Variants in STRBP observed in about 807,000 individuals in gnomAD.
STRBP encodes spermatid perinuclear RNA-binding protein.
A neutral mutation model predicts 80.1 loss-of-function variants in STRBP; 13 were observed. The observed-to-expected ratio is 0.16, with a 90% CI of 0.11 to 0.26. The LOEUF (loss-of-function observed/expected upper bound fraction) is 0.26, where lower values mean the gene tolerates loss of function less well. Ranked by LOEUF, STRBP falls within the 10% of genes least tolerant of loss-of-function variation. The pLI, the probability that STRBP is intolerant of heterozygous loss-of-function variation, is 1.00. For synonymous variants in STRBP, 284 were observed against 291.2 expected (o/e 0.98, Z 0.25); for missense variants, 485 against 815.2 (o/e 0.59, Z 4.93).
At chr9:123,234,932 T>C (rs1025895176) in intron 2 of STRBP, among the ~76,000 whole-genome samples, 33 of 140,840 alleles carry the variant, frequency 2.3e-4, no homozygotes, top group African/African-American at 8.6e-4. Context: ...ACAGACTCCA[T>C]CTCAAAAAAT....
intron 1 of STRBP, among the ~76,000 whole-genome samples, chr9:123,254,140 C>T (rs563032368): frequency 6.6e-5 from 10 of 152,126 alleles, no homozygotes; most frequent in African/African-American, 2.4e-4. Flanking sequence ...GGTTAGTGAC[C>T]AACTCAGCTA....
chr9:123,232,109 C>T (rs1358976090), intron 2 of STRBP, among the ~76,000 whole-genome samples: 2 of 152,074 alleles, frequency 1.3e-5, no homozygotes, highest in Non-Finnish European at 2.9e-5. Context: ...GTCGGGAATT[C>T]GAGACCAGCC....
chr9:123,186,831 A>G (rs1031456432), intron 2 of STRBP, among the ~76,000 whole-genome samples: 3 of 151,788 alleles, frequency 2.0e-5, no homozygotes, highest in Non-Finnish European at 2.9e-5. Flanking sequence ...TTTTTAAAAA[A>G]AAAAAAAAAA....
intron 2 of STRBP, among the ~76,000 whole-genome samples, chr9:123,193,612 T>C (rs2038998793): frequency 6.6e-6 from 1 of 152,114 alleles, no homozygotes; most frequent in African/African-American, 2.4e-5. Context: ...AGTCCTTGTA[T>C]TCCTTTCCTC....
chr9:123,221,584 C>G (rs935686713), intron 2 of STRBP, among the ~76,000 whole-genome samples: 4 of 152,198 alleles, frequency 2.6e-5, no homozygotes, highest in Non-Finnish European at 5.9e-5. Context: ...TTTGCTGTAT[C>G]TCTGTGTTTT....
intron 1 of STRBP, among the ~76,000 whole-genome samples, chr9:123,266,029 G>A (rs1005497029): frequency 6.6e-6 from 1 of 152,186 alleles, no homozygotes; most frequent in African/African-American, 2.4e-5. Context: ...AAGCACCAGG[G>A]TATCTGAGAC....
intron 1 of STRBP, among the ~76,000 whole-genome samples, chr9:123,246,735 C>T (rs1372505909): frequency 1.3e-5 from 2 of 152,170 alleles, no homozygotes; most frequent in Non-Finnish European, 2.9e-5. Context: ...ACCAGCTATT[C>T]AAAGGAAAAT....
intron 3 of STRBP, among the ~76,000 whole-genome samples, chr9:123,181,731 C>T (rs1158880247): frequency 6.9e-6 from 1 of 145,842 alleles, no homozygotes; most frequent in African/African-American, 2.6e-5. Context: ...ACCCAGGAGG[C>T]GGAGGTTGCA....
At chr9:123,130,152 G>A (rs2036073370) in intron 17 of STRBP, among the ~76,000 whole-genome samples, 1 of 152,100 alleles carries the variant, frequency 6.6e-6, no homozygotes, top group African/African-American at 2.4e-5. Context: ...AGGTATCTGT[G>A]AATGGCACCT....
At chr9:123,180,160 G>A (rs1377619937) in intron 3 of STRBP, among the ~76,000 whole-genome samples, 2 of 152,116 alleles carry the variant, frequency 1.3e-5, no homozygotes, top group Non-Finnish European at 2.9e-5. Context: ...GGAGGCTGAG[G>A]CAGGAGGATC....
At chr9:123,225,508 C>T (rs1368873607) in intron 2 of STRBP, among the ~76,000 whole-genome samples, 1 of 152,182 alleles carries the variant, frequency 6.6e-6, no homozygotes. Flanking sequence ...GGGAATCCCC[C>T]ACCTTATGAG....
intron 6 of STRBP, among the ~76,000 whole-genome samples, chr9:123,164,336 C>T (rs1196235335): frequency 4.6e-5 from 7 of 152,142 alleles, no homozygotes; most frequent in Non-Finnish European, 7.4e-5. Context: ...TGTGAGCCAC[C>T]GCACCCGGCC....
intron 6 of STRBP, among the ~76,000 whole-genome samples, chr9:123,164,193 G>A (rs751531934): frequency 1.2e-4 from 19 of 152,038 alleles, no homozygotes; most frequent in South Asian, 8.3e-4. Flanking sequence ...CTACAGGTGC[G>A]TGCCACCATG....
At chr9:123,241,181 A>G (rs2040686952) in intron 1 of STRBP, among the ~76,000 whole-genome samples, 1 of 73,166 alleles carries the variant, frequency 1.4e-5, no homozygotes, top group Non-Finnish European at 2.0e-5. Flanking sequence ...CTCCATCTCA[A>G]AAAAAAAAAA....
rs2035555475 is a variant in STRBP at position 123,110,943 on chromosome 9, T to G, written c.*85-1190A>C. 1 of 168,738 alleles carries G rather than the reference T, an allele frequency of 5.9e-6. No homozygotes were observed. Among genetic ancestry groups the G allele is most frequent in the African/African-American group, 2.4e-5 (1 of 41,514 alleles). The allele number at this position is 168,738 out of a possible 1,614,324, so 10.5% of individuals were successfully genotyped here. A position where few individuals can be genotyped will look rare whatever the true frequency, so the allele number is the denominator to read the frequency against. On this transcript the variant is annotated intron_variant and NMD_transcript_variant, in intron 3 of 3. Coordinates refer to the STRBP transcript ENST00000471564. This position sits in a 1 kb window ranked among gnomAD's most constrained non-coding sequence, Gnocchi z 4.1. The stretch of plus-strand genomic sequence containing the variant: ...CCATCTAAGAAATGGGGGTGCGCAG[T>G]GAACAGAACCTGCTTGTGCAAGGCC...
In STRBP at chr9:123,157,988, C is replaced by A; in HGVS notation, c.1045+24G>T. Reference sequence around the variant, plus strand: ...TCTCTACCAGTGCCAACCCCCAACCCTAATAAAAAACTTCCATGCTCACCT... The same window carrying A: ...TCTCTACCAGTGCCAACCCCCAACCATAATAAAAAACTTCCATGCTCACCT... On this transcript the variant is annotated intron_variant, in intron 11 of 18. Transcript: ENST00000348403. 1.3e-6 allele frequency: 2 copies of A among 1,562,016 alleles called. 1 individual carries two copies. Among genetic ancestry groups the A allele is most frequent in the South Asian group, 2.2e-5 (2 of 89,668 alleles).
At chr9:123,176,128 A>G (rs763613935) in intron 4 of STRBP, among the ~76,000 whole-genome samples, 4 of 152,254 alleles carry the variant, frequency 2.6e-5, no homozygotes, top group Non-Finnish European at 5.9e-5. Context: ...ACAGATATTA[A>G]CAGCTCAATA....
chr9:123,258,101 C>T (rs2041075970), intron 1 of STRBP, among the ~76,000 whole-genome samples: 1 of 152,010 alleles, frequency 6.6e-6, no homozygotes, highest in Non-Finnish European at 1.5e-5. Context: ...AAACCTTTTC[C>T]AAGTATAGAC....
At chr9:123,221,435 A>AAGACCCTTCAG (rs532532430) in intron 2 of STRBP, among the ~76,000 whole-genome samples, 29 of 152,250 alleles carry the variant, frequency 1.9e-4, no homozygotes, top group Non-Finnish European at 4.0e-4. Flanking sequence ...AAGATCTCTT[A>AAGACCCTTCAG]AGACCCTTCA....
Sources: allele counts gnomAD v4.1 joint callset (sites outside exome capture counted in the v4.1 genomes callset), GRCh38; gene constraint gnomAD v4.1.1; non-coding constraint Gnocchi (gnomAD v3.1); transcripts MANE v1.5; gene names NCBI Gene and HGNC (gene_info 2026-07-23, HGNC 2026-07-21).